CCDC170: variants seen among roughly 807,000 people sequenced by gnomAD.
The protein encoded by CCDC170 is coiled-coil domain containing 170.
CCDC170 carries 69 observed loss-of-function variants against 72.6 expected under a neutral mutation model. The ratio of observed to expected loss-of-function variants is 0.95; its 90% CI spans 0.78 to 1.16. The LOEUF (loss-of-function observed/expected upper bound fraction) is 1.16, where lower values mean the gene tolerates loss of function less well. Among genes scored for constraint, CCDC170 ranks in the 50% most tolerant of loss-of-function variants. The probability of loss-of-function intolerance (pLI) is 0.00; values close to 1 mark genes in which losing one functional copy is unlikely to be tolerated. For synonymous variants in CCDC170, 300 were observed against 303.9 expected (o/e 0.99, Z 0.13); for missense variants, 852 against 832.5 (o/e 1.02, Z -0.29).
chr6:151,583,448 A>C (rs1051189194), intron 6 of CCDC170, among the ~76,000 whole-genome samples: 1 of 152,010 alleles, frequency 6.6e-6, no homozygotes, highest in Non-Finnish European at 1.5e-5. Flanking sequence ...AAATGAGAGA[A>C]GTGCGACTCT....
chr6:151,503,667 G>A (rs1215771080), intron 1 of CCDC170, among the ~76,000 whole-genome samples: 1 of 151,940 alleles, frequency 6.6e-6, no homozygotes, highest in Non-Finnish European at 1.5e-5. Flanking sequence ...CGTCCAGGCT[G>A]GTCTTGAACT....
At chr6:151,598,846 A>G (rs894460229) in intron 9 of CCDC170, among the ~76,000 whole-genome samples, 3 of 152,236 alleles carry the variant, frequency 2.0e-5, no homozygotes, top group African/African-American at 7.2e-5. Context: ...AGGACTATGC[A>G]GATTATCCTA....
intron 5 of CCDC170, among the ~76,000 whole-genome samples, chr6:151,556,352 G>A (rs964117579): frequency 6.6e-6 from 1 of 152,226 alleles, no homozygotes; most frequent in African/African-American, 2.4e-5. Flanking sequence ...GCTATTGGGA[G>A]GCTGAGGCAT....
At chr6:151,561,215 A>G (rs979818738) in intron 5 of CCDC170, among the ~76,000 whole-genome samples, 5 of 152,230 alleles carry the variant, frequency 3.3e-5, no homozygotes, top group Middle Eastern at 3.4e-3. Flanking sequence ...GTTACAAACA[A>G]TCCAATTATA....
At chr6:151,520,408 C>A (rs1016217105) in intron 1 of CCDC170, among the ~76,000 whole-genome samples, 21 of 152,256 alleles carry the variant, frequency 1.4e-4, no homozygotes, top group Non-Finnish European at 3.1e-4. Context: ...GAGATCTAAT[C>A]TAACTGACTC....
intron 10 of CCDC170, among the ~76,000 whole-genome samples, chr6:151,617,568 C>G (rs1306987749): frequency 1.3e-5 from 2 of 151,878 alleles, no homozygotes; most frequent in South Asian, 2.1e-4. Flanking sequence ...ACACAGTCAC[C>G]ATTTCATGTG....
chr6:151,542,221 T>G (rs1782702621), intron 3 of CCDC170, among the ~76,000 whole-genome samples: 1 of 150,946 alleles, frequency 6.6e-6, no homozygotes, highest in African/African-American at 2.4e-5. Flanking sequence ...GTATATAATT[T>G]TATTTATTTA....
intron 1 of CCDC170, among the ~76,000 whole-genome samples, chr6:151,518,846 G>A (rs927053958): frequency 1.3e-5 from 2 of 152,090 alleles, no homozygotes; most frequent in Admixed American, 6.6e-5. Flanking sequence ...AAGGGGAAGG[G>A]GTGTACAAAC....
intron 10 of CCDC170, among the ~76,000 whole-genome samples, chr6:151,616,370 A>G (rs1307367301): frequency 6.6e-6 from 1 of 152,226 alleles, no homozygotes; most frequent in East Asian, 1.9e-4. Flanking sequence ...GTAAAGAAAC[A>G]TGTACCGGGC....
chr6:151,598,919 C>T (rs916925355), intron 9 of CCDC170, among the ~76,000 whole-genome samples: 3 of 152,114 alleles, frequency 2.0e-5, no homozygotes, highest in Admixed American at 2.0e-4. Flanking sequence ...GGGTGTTCAT[C>T]CCTAGGCCAG....
In CCDC170 at chr6:151,615,509, A is replaced by G; in HGVS notation, c.1777A>G (p.Met593Val). 6.2e-7 allele frequency: 1 copy of G among 1,614,154 alleles called. No homozygotes were observed. The highest frequency in any genetic ancestry group is 8.5e-7 in the Non-Finnish European group (1 of 1,179,994). Residue 593 changes from methionine to valine, a missense_variant, in exon 10 of 11, where the codon ATG (methionine) becomes GTG (valine). Met to Val is a conservative substitution (Grantham distance 21). Coordinates refer to ENST00000239374, the MANE Select transcript of CCDC170 (RefSeq NM_025059.4). ...CAAATCCAGAGACCAACTGGAGAAG[A>G]TGAAGGAGAAAGCTGAGAAAAAGCT... ...LNKSRDQLEK[M>V]KEKAEKKLMS...
intron 1 of CCDC170, among the ~76,000 whole-genome samples, chr6:151,511,944 C>CT (rs1562267096): frequency 1.3e-5 from 2 of 152,000 alleles, no homozygotes; most frequent in Non-Finnish European, 2.9e-5. Flanking sequence ...ATTTCCTGGG[C>CT]TTGAGCCATC....
intron 8 of CCDC170, among the ~76,000 whole-genome samples, chr6:151,593,698 A>G (rs1776578879): frequency 6.6e-6 from 1 of 152,180 alleles, no homozygotes; most frequent in South Asian, 2.1e-4. Context: ...AATGGTGCCC[A>G]GAACCATTAT....
chr6:151,603,279 T>C (rs1776737988), intron 9 of CCDC170, among the ~76,000 whole-genome samples: 1 of 152,224 alleles, frequency 6.6e-6, no homozygotes, highest in African/African-American at 2.4e-5. Flanking sequence ...GTTTGGCATG[T>C]TTAAAGTTTG....
intron 5 of CCDC170, among the ~76,000 whole-genome samples, chr6:151,568,105 G>GA (rs771627857): frequency 0.48 from 18,146 of 38,178 alleles, 6,808 homozygotes; most frequent in Non-Finnish European, 0.65. Flanking sequence ...GTGAGACTCT[G>GA]AAAAAAAAAA....
rs1000215452 is a variant in CCDC170, at chr6:151,516,131, G to A, written c.58-20187G>A. 4.6e-5 allele frequency among the ~76,000 whole-genome samples: 7 copies of A among 152,042 alleles called. 1 individual carries two copies. In the South Asian group the frequency reaches 6.2e-4, roughly 14 times the overall value. On this transcript the variant is annotated intron_variant, in intron 1 of 10. Coordinates refer to ENST00000239374, the MANE Select transcript of CCDC170 (RefSeq NM_025059.4). ...AAATACTTCGATTTCTTTCAGGGCTGTTATCTGTCATATAATGCTATACTA... is the reference window on the plus strand; with the variant it reads ...AAATACTTCGATTTCTTTCAGGGCTATTATCTGTCATATAATGCTATACTA...
At chr6:151,596,069 C>T (rs1776616549) in intron 8 of CCDC170, among the ~76,000 whole-genome samples, 1 of 152,098 alleles carries the variant, frequency 6.6e-6, no homozygotes, top group Admixed American at 6.6e-5. Flanking sequence ...TGATGATGCA[C>T]ATAATGTTAG....
chr6:151,556,355 T>C (rs1782974566), intron 5 of CCDC170, among the ~76,000 whole-genome samples: 1 of 152,232 alleles, frequency 6.6e-6, no homozygotes, highest in South Asian at 2.1e-4. Flanking sequence ...ATTGGGAGGC[T>C]GAGGCATGAC....
intron 5 of CCDC170, among the ~76,000 whole-genome samples, chr6:151,565,552 T>A (rs569361929): frequency 6.6e-6 from 1 of 152,366 alleles, no homozygotes; most frequent in Non-Finnish European, 1.5e-5. Context: ...GTTGGTTCTC[T>A]GTTGAATTCC....
Sources: allele counts gnomAD v4.1 joint callset (sites outside exome capture counted in the v4.1 genomes callset), GRCh38; gene constraint gnomAD v4.1.1; transcripts MANE v1.5; gene names NCBI Gene and HGNC (gene_info 2026-07-23, HGNC 2026-07-21).